Variants in KIF21B observed in about 807,000 individuals in gnomAD.
KIF21B encodes the protein kinesin family member 21B.
Under a neutral mutation model 192.9 loss-of-function variants are expected in KIF21B, and 85 were observed. The observed-to-expected ratio is 0.44, with a 90% confidence interval of 0.37 to 0.53. The LOEUF (loss-of-function observed/expected upper bound fraction) is 0.53, where lower values mean the gene tolerates loss of function less well. Ranked by LOEUF, KIF21B falls within the 20% of genes least tolerant of loss-of-function variation. The pLI is 0.00. For missense variants in KIF21B, 1,716 were observed against 2,194.8 expected, an observed-to-expected ratio of 0.78 and a Z score of 4.36; for synonymous variants, 832 against 884.6, an observed-to-expected ratio of 0.94 and a Z score of 1.05.
intron 34 of KIF21B, among the ~76,000 whole-genome samples, chr1:200,974,406 T>C (rs942545262): frequency 1.3e-5 from 2 of 151,772 alleles, no homozygotes; most frequent in African/African-American, 4.8e-5. Context: ...CTCTGTGCTC[T>C]GAGAGATACC....
At chr1:200,974,065 G>A (rs371622103) in intron 34 of KIF21B, 92 of 1,608,452 alleles carry the variant, frequency 5.7e-5, no homozygotes, top group Non-Finnish European at 7.8e-5. Context: ...GGGGAAGAAT[G>A]AAAGAGGAGA....
chr1:200,983,013 AGT>A (rs780626812), intron 28 of KIF21B, 41 bp downstream of exon 28: 64 of 1,517,986 alleles, frequency 4.2e-5, no homozygotes, highest in Non-Finnish European at 5.4e-5. Context: ...GGGTGCCGAG[AGT>A]GAGAGTGGGG....
rs201161747 is a variant in KIF21B at position 200,991,013 on chromosome 1, C to A, written c.2591G>T (p.Arg864Leu). Residue 864 changes from arginine (R) to leucine (L), a missense_variant, in exon 18 of 35, where the codon CGC (arginine) becomes CTC (leucine). Physicochemically the swap from Arg to Leu is moderately radical, Grantham distance 102 (BLOSUM62 -2). Around this residue, in one of 3 missense-constraint regions of KIF21B, gnomAD observed 1,087 missense variants for 1,316.6 expected, o/e 0.83. Coordinates refer to ENST00000461742, the MANE Select transcript of KIF21B (RefSeq NM_001252102.2). ...TTSSEAESGARSVSSIVRQWN... is the reference protein window; with the variant it reads ...TTSSEAESGALSVSSIVRQWN... ...CTGGCGCACGATGCTGGAGACAGAG[C>A]GGGCCCCTGATTCAGCCTCAGATGA... is the stretch of plus-strand genomic sequence containing the variant. The A allele has an allele frequency of 3.1e-6, 5 of 1,614,040 alleles. No individual in the cohort carries two copies. Among genetic ancestry groups the A allele is most frequent in the East Asian group, 2.2e-5 (1 of 44,898 alleles).
intron 30 of KIF21B, 71 bp from the exon 31 acceptor site, chr1:200,977,447 C>A: frequency 1.3e-6 from 2 of 1,542,438 alleles, no homozygotes; most frequent in South Asian, 2.4e-5. Context: ...ACCAATAAAA[C>A]GTCACTAAGA....
chr1:201,005,160 C>T, intron 5 of KIF21B, 148 bp downstream of exon 5: 1 of 1,227,520 alleles, frequency 8.1e-7, no homozygotes, highest in Non-Finnish European at 1.1e-6. Flanking sequence ...AATTGGGCAA[C>T]AAGGCTCAAG....
At position 200,986,880 on chromosome 1, in the gene KIF21B, G is replaced by C. The variant is rs777063474; in HGVS notation, c.3653C>G (p.Thr1218Arg). Residue 1218 changes from threonine to arginine, a missense_variant, in exon 26 of 35, where the codon ACG becomes AGG. By Grantham distance (71) the Thr-to-Arg change is moderately conservative. Transcript: ENST00000461742. ...CCCTCGGTCGTAGGACTTCCTTCTC[G>C]TCAGCGGGGACGTCTCTGTGGCTCG... ...QSRATETSPLTRRKSYDRGQP... is the reference protein window; with the variant it reads ...QSRATETSPLRRRKSYDRGQP... The C allele has an allele frequency of 6.2e-7, 1 of 1,613,854 alleles. No individual in the cohort carries two copies. Among genetic ancestry groups the C allele is most frequent in the South Asian group, 1.1e-5 (1 of 91,042 alleles).
intron 26 of KIF21B, 108 bp from the exon 27 acceptor site, chr1:200,985,080 TC>T: frequency 1.5e-6 from 1 of 654,252 alleles, no homozygotes; most frequent in Non-Finnish European, 2.6e-6. Context: ...CAGGACAGGG[TC>T]TGCTGTGCAG....
At chr1:200,988,426 C>T in intron 23 of KIF21B, 67 bp downstream of exon 23, 2 of 1,610,034 alleles carry the variant, frequency 1.2e-6, no homozygotes, top group Non-Finnish European at 1.7e-6. Context: ...GGACCTATGG[C>T]AACTCCTCCC....
intron 1 of KIF21B, among the ~76,000 whole-genome samples, chr1:201,016,261 T>C (rs936808651): frequency 6.6e-6 from 1 of 152,180 alleles, no homozygotes; most frequent in Admixed American, 6.5e-5. Flanking sequence ...TCAGAGAATC[T>C]CCCGGACTGA....
At position 200,999,630 on chromosome 1, in the gene KIF21B, TCCC is replaced by T. The variant is rs1657333386; in HGVS notation, c.1768-167_1768-165del. Among the ~76,000 whole-genome samples, 2 of 124,886 alleles carry T rather than the reference TCCC, an allele frequency of 1.6e-5. No homozygotes were observed. The highest frequency in any genetic ancestry group is 2.5e-4 in the South Asian group (1 of 4,040). The allele number at this position is 124,886 out of a possible 152,430, so 81.9% of individuals were successfully genotyped here. A position where few individuals can be genotyped will look rare whatever the true frequency, so the allele number is the denominator to read the frequency against. On this transcript the variant is annotated intron_variant, in intron 12 of 34. Coordinates refer to ENST00000461742, the MANE Select transcript of KIF21B (RefSeq NM_001252102.2). This position sits in a 1 kb window ranked among gnomAD's most constrained non-coding sequence, Gnocchi z 4.7. ...CCCCTACTCCTGGAAGAGTGCCGCC[TCCC>T]CCAACACCACCGCAGAACCCCTCTA...
At chr1:201,002,136 C>A (rs756660862) in intron 9 of KIF21B, 25 bp downstream of exon 9, 135 of 1,610,410 alleles carry the variant, frequency 8.4e-5, no homozygotes, top group Middle Eastern at 1.8e-4. Flanking sequence ...GGTGCTCTGA[C>A]CTGGCCTGGC....
At chr1:200,974,225 G>A in intron 34 of KIF21B, 1 of 1,524,308 alleles carries the variant, frequency 6.6e-7, no homozygotes, top group Non-Finnish European at 8.8e-7. Context: ...GGACAGAGAG[G>A]AGAGGTGGGA....
chr1:200,999,820 C>T lies in KIF21B; in HGVS notation c.1767+63G>A, dbSNP rs772146917. The T allele has an allele frequency of 1.5e-4, 234 of 1,577,282 alleles. No individual in the cohort carries two copies. The highest frequency in any genetic ancestry group is 2.0e-4 in the Non-Finnish European group (225 of 1,151,602). Reference sequence around the variant, plus strand: ...CATACAAGGATGCGGATGGGGCCCCCGCCAACCCCAGCAGGGACACAAGGC... The same window carrying T: ...CATACAAGGATGCGGATGGGGCCCCTGCCAACCCCAGCAGGGACACAAGGC... On this transcript the variant is annotated intron_variant, in intron 12 of 34. Coordinates refer to ENST00000461742, the MANE Select transcript of KIF21B (RefSeq NM_001252102.2). This position sits in a 1 kb window ranked among gnomAD's most constrained non-coding sequence, Gnocchi z 4.7.
At position 201,009,339 on chromosome 1, in the gene KIF21B, T is replaced by C. The variant is rs1658102094; in HGVS notation, c.191A>G (p.Tyr64Cys). ...FDLDTWQEQI[Y>C]STCVSKLIEG... ...GATGAGCTTGCTCACACAGGTGGAA[T>C]AGATCTGTTCTTGCCAGGTGTCCAG... The change falls in exon 2 of 35, where the codon TAT becomes TGT. Residue 64 changes from tyrosine (Y) to cysteine (C), a missense_variant. Physicochemically the swap from Tyr to Cys is radical, Grantham distance 194. Around this residue, in one of 3 missense-constraint regions of KIF21B, gnomAD observed 1,087 missense variants for 1,316.6 expected, o/e 0.83. Transcript: ENST00000461742. 2 of 1,614,278 alleles carry C rather than the reference T, an allele frequency of 1.2e-6. No homozygotes were observed. The highest frequency in any genetic ancestry group is 2.2e-5 in the East Asian group (1 of 44,888).
chr1:200,973,492 G>A lies in KIF21B; in HGVS notation c.*29C>T. ...TGGTGTCCAGGCTGCTGGGGTCGAG[G>A]GTCCGGGGGCATCCCTCTGACCTCA... On this transcript the variant is annotated 3_prime_UTR_variant, in exon 35 of 35. Transcript: ENST00000461742. 7.0e-7 allele frequency: 1 copy of A among 1,423,274 alleles called. No individual in the cohort carries two copies. Among genetic ancestry groups the A allele is most frequent in the Non-Finnish European group, 9.1e-7 (1 of 1,096,754 alleles). The allele number at this position is 1,423,274 out of a possible 1,614,324, so 88.2% of individuals were successfully genotyped here.
At chr1:200,989,025 G>T in intron 21 of KIF21B, 94 bp from the exon 22 acceptor site, 1 of 1,308,032 alleles carries the variant, frequency 7.6e-7, no homozygotes. Flanking sequence ...ACCTTGGAGT[G>T]CTCCTTTCCA....
intron 14 of KIF21B, among the ~76,000 whole-genome samples, chr1:200,997,519 C>T (rs113341004): frequency 0.033 from 5,098 of 152,284 alleles, 245 homozygotes; most frequent in East Asian, 0.21. Context: ...CCAAGGAAGG[C>T]GGATCACAAG....
In KIF21B at chr1:200,990,756, A is replaced by G; in HGVS notation, c.2688-33T>C. ...ACATAGGCAAAGGGGATTGGATGGG[A>G]CTCCTTTTAACCTCTGCAGCTCCAC... is the stretch of plus-strand genomic sequence containing the variant. On this transcript the variant is annotated intron_variant, in intron 18 of 34. Coordinates refer to ENST00000461742, the MANE Select transcript of KIF21B (RefSeq NM_001252102.2). This position sits in a 1 kb window ranked among gnomAD's most constrained non-coding sequence, Gnocchi z 5.4. 2 of 1,611,388 alleles carry G rather than the reference A, an allele frequency of 1.2e-6. No individual in the cohort carries two copies. The highest frequency in any genetic ancestry group is 1.7e-6 in the Non-Finnish European group (2 of 1,178,650).
intron 1 of KIF21B, among the ~76,000 whole-genome samples, chr1:201,022,386 A>C (rs1658891407): frequency 1.3e-5 from 2 of 152,182 alleles, no homozygotes; most frequent in Non-Finnish European, 2.9e-5. Context: ...CTTGGTGAGC[A>C]GCTCCAGATT....
Sources: allele counts gnomAD v4.1 joint callset (sites outside exome capture counted in the v4.1 genomes callset), GRCh38; gene constraint gnomAD v4.1.1; regional missense constraint gnomAD v4.1.1; non-coding constraint Gnocchi (gnomAD v3.1); transcripts MANE v1.5; gene names NCBI Gene and HGNC (gene_info 2026-07-23, HGNC 2026-07-21).